Variants in SLC9A4 observed in about 807,000 individuals in gnomAD.
The protein encoded by SLC9A4 is solute carrier family 9 member A4.
SLC9A4 carries 63 observed loss-of-function variants against 67.4 expected under a neutral mutation model. The observed-to-expected ratio is 0.93, with a 90% CI of 0.76 to 1.15. SLC9A4 has a LOEUF of 1.15. SLC9A4 is among the 50% of genes most tolerant of loss of function. The pLI, the probability that SLC9A4 is intolerant of heterozygous loss-of-function variation, is 0.00. For synonymous variants in SLC9A4, 393 were observed against 367.2 expected (o/e 1.07, Z -0.80); for missense variants, 1,089 against 987.7 (o/e 1.10, Z -1.38).
At chr2:102,500,979 G>T (rs1040962875) in intron 2 of SLC9A4, among the ~76,000 whole-genome samples, 10 of 144,502 alleles carry the variant, frequency 6.9e-5, no homozygotes, top group African/African-American at 1.0e-4. Flanking sequence ...TTTTTAGTAA[G>T]ATAGAGTTTC....
intron 1 of SLC9A4, among the ~76,000 whole-genome samples, chr2:102,475,557 G>A (rs56097524): frequency 3.0e-4 from 46 of 152,304 alleles, no homozygotes; most frequent in African/African-American, 8.9e-4. Context: ...GTCTAGGAGC[G>A]AAGAACACTG....
intron 9 of SLC9A4, among the ~76,000 whole-genome samples, chr2:102,520,671 C>T (rs1685388365): frequency 6.6e-6 from 1 of 152,114 alleles, no homozygotes; most frequent in Non-Finnish European, 1.5e-5. Context: ...ATTTTGAGGG[C>T]CTTTGGTTTT....
chr2:102,529,715 A>G (rs997148119), intron 11 of SLC9A4, among the ~76,000 whole-genome samples: 3 of 152,186 alleles, frequency 2.0e-5, no homozygotes, highest in African/African-American at 7.2e-5. Flanking sequence ...GTGGAGAGTC[A>G]TGTTCTGCAG....
Position 102,473,646 on chromosome 2 carries a change from T to G in SLC9A4, c.-114T>G. 2 of 1,325,718 alleles carry G rather than the reference T, an allele frequency of 1.5e-6. No individual in the cohort carries two copies. The highest frequency in any genetic ancestry group is 2.1e-6 in the Non-Finnish European group (2 of 968,850). 82.1% of individuals were successfully genotyped at this position (1,325,718 alleles called of 1,614,324 possible). On this transcript the variant is annotated 5_prime_UTR_variant, in exon 1 of 12. Coordinates refer to ENST00000295269, the MANE Select transcript of SLC9A4 (RefSeq NM_001011552.4). ...AATCTTCTTGGGAGGACCCACAGACTGTACCTATATTACTTTTGACCCAGG... is the reference window on the plus strand; with the variant it reads ...AATCTTCTTGGGAGGACCCACAGACGGTACCTATATTACTTTTGACCCAGG...
At chr2:102,514,018 C>T (rs1685221888) in intron 7 of SLC9A4, 72 bp from the exon 8 acceptor site, 1 of 1,533,168 alleles carries the variant, frequency 6.5e-7, no homozygotes, top group African/African-American at 1.4e-5. Context: ...TAGTTTGTTT[C>T]AAGAGAAATG....
chr2:102,483,691 C>G (rs1684514846), intron 2 of SLC9A4, among the ~76,000 whole-genome samples: 1 of 151,402 alleles, frequency 6.6e-6, no homozygotes, highest in Non-Finnish European at 1.5e-5. Context: ...GGAGACAAAA[C>G]CCAGATAGCT....
chr2:102,506,926 G>T (rs972370184), intron 4 of SLC9A4, among the ~76,000 whole-genome samples: 1 of 152,138 alleles, frequency 6.6e-6, no homozygotes, highest in Non-Finnish European at 1.5e-5. Flanking sequence ...ACAGAGCCAG[G>T]TGTTGGAATC....
At chr2:102,492,325 T>C (rs1208687369) in intron 2 of SLC9A4, among the ~76,000 whole-genome samples, 1 of 152,256 alleles carries the variant, frequency 6.6e-6, no homozygotes, top group Non-Finnish European at 1.5e-5. Context: ...CTGTCCTAGC[T>C]GAAGTTCTCC....
At chr2:102,524,687 A>G (rs942993680) in intron 9 of SLC9A4, among the ~76,000 whole-genome samples, 1 of 152,066 alleles carries the variant, frequency 6.6e-6, no homozygotes, top group East Asian at 1.9e-4. Flanking sequence ...TTCTTATTAA[A>G]TTCACTGGCC....
chr2:102,514,220 CT>C lies in SLC9A4; in HGVS notation c.1691del (p.Leu564ArgfsTer29). The C allele has an allele frequency of 6.8e-6, 11 of 1,613,978 alleles. No homozygotes were observed. Among genetic ancestry groups the C allele is most frequent in the Non-Finnish European group, 9.3e-6 (11 of 1,179,914 alleles). ...QAIEMVETGI[L>X]SSTAFSIPHQ... ...CATCGAGATGGTGGAGACTGGGATA[CT>C]GAGCTCTACAGCTTTCTCCATACCC... On this transcript the variant is annotated frameshift_variant, in exon 8 of 12. Transcript: ENST00000295269. LOFTEE classifies it high-confidence loss of function.
chr2:102,507,533 A>G (rs939566295), intron 4 of SLC9A4, among the ~76,000 whole-genome samples: 3 of 151,720 alleles, frequency 2.0e-5, no homozygotes, highest in Non-Finnish European at 2.9e-5. Flanking sequence ...TCACCCCCCA[A>G]CCCTTGCCAA....
chr2:102,482,431 T>C (rs1684485771), intron 2 of SLC9A4, among the ~76,000 whole-genome samples: 2 of 152,328 alleles, frequency 1.3e-5, no homozygotes, highest in Admixed American at 6.5e-5. Context: ...AAGGACCTTA[T>C]CCATCTCCCC....
At chr2:102,501,485 C>A (rs1289632568) in intron 2 of SLC9A4, among the ~76,000 whole-genome samples, 1 of 151,626 alleles carries the variant, frequency 6.6e-6, no homozygotes, top group Non-Finnish European at 1.5e-5. Context: ...CCTTAGGTGA[C>A]CCACCCACCT....
At chr2:102,513,787 G>GGCCTCCCCCGC (rs1685216489) in intron 7 of SLC9A4, among the ~76,000 whole-genome samples, 1 of 152,126 alleles carries the variant, frequency 6.6e-6, no homozygotes, top group Admixed American at 6.5e-5. Context: ...AGCTGGGCTG[G>GGCCTCCCCCGC]GCCTCCCCCG....
intron 2 of SLC9A4, among the ~76,000 whole-genome samples, chr2:102,488,632 T>C (rs1418587036): frequency 2.0e-5 from 3 of 150,468 alleles, no homozygotes; most frequent in Non-Finnish European, 4.4e-5. Flanking sequence ...CACTGTAAGC[T>C]CTGCCTCCCA....
intron 2 of SLC9A4, among the ~76,000 whole-genome samples, chr2:102,483,803 T>TGC: frequency 1.2e-4 from 1 of 8,350 alleles, no homozygotes; most frequent in Non-Finnish European, 2.4e-4. Context: ...GTACAGCATA[T>TGC]ATATATATAT....
chr2:102,505,568 C>A, intron 4 of SLC9A4, 97 bp downstream of exon 4: 1 of 1,234,910 alleles, frequency 8.1e-7, no homozygotes, highest in Non-Finnish European at 1.1e-6. Flanking sequence ...TGAGTAGATG[C>A]TAACTGGTTT....
intron 2 of SLC9A4, among the ~76,000 whole-genome samples, chr2:102,494,243 A>G (rs895424473): frequency 7.2e-5 from 11 of 151,962 alleles, no homozygotes; most frequent in African/African-American, 2.7e-4. Context: ...CATGGCTATA[A>G]GGTTTCTTTA....
chr2:102,484,651 C>T (rs370047456), intron 2 of SLC9A4, among the ~76,000 whole-genome samples: 2 of 152,124 alleles, frequency 1.3e-5, no homozygotes, highest in African/African-American at 2.4e-5. Context: ...GATGGGAGGG[C>T]GGATTGTTCT....
Sources: allele counts gnomAD v4.1 joint callset (sites outside exome capture counted in the v4.1 genomes callset), GRCh38; gene constraint gnomAD v4.1.1; transcripts MANE v1.5; gene names NCBI Gene and HGNC (gene_info 2026-07-23, HGNC 2026-07-21).